The following CD96 variants were observed in gnomAD, a reference collection of about 807,000 sequenced individuals.
CD96 encodes T-cell surface protein tactile.
Under a neutral mutation model 71.3 loss-of-function variants are expected in CD96, and 70 were observed. The ratio of observed to expected loss-of-function variants is 0.98; its 90% confidence interval spans 0.81 to 1.20. The LOEUF (loss-of-function observed/expected upper bound fraction) is 1.20. CD96 is among the 50% of genes most tolerant of loss of function. The pLI is 0.00. For synonymous variants in CD96, 248 were observed against 233.0 expected (o/e 1.06, Z -0.59); for missense variants, 742 against 677.5 (o/e 1.10, Z -1.06).
intron 8 of CD96, among the ~76,000 whole-genome samples, chr3:111,610,170 G>A (rs1448587721): frequency 3.3e-5 from 5 of 152,220 alleles, no homozygotes; most frequent in Admixed American, 1.3e-4. Flanking sequence ...GTTTGATTTT[G>A]TATGTCAATA....
At chr3:111,663,664 T>C (rs1940408321) in intron 14 of CD96, among the ~76,000 whole-genome samples, 1 of 151,866 alleles carries the variant, frequency 6.6e-6, no homozygotes, top group African/African-American at 2.4e-5. Context: ...CACAATGAGA[T>C]ACCATCTCCC....
chr3:111,662,822 A>T (rs1236823434), intron 14 of CD96, among the ~76,000 whole-genome samples: 1 of 152,148 alleles, frequency 6.6e-6, no homozygotes, highest in African/African-American at 2.4e-5. Context: ...ACTTTCCCTC[A>T]TCTTCCTGCC....
intron 8 of CD96, among the ~76,000 whole-genome samples, chr3:111,615,608 G>A (rs747184982): frequency 3.3e-5 from 5 of 152,106 alleles, no homozygotes; most frequent in South Asian, 2.1e-4. Flanking sequence ...GTGTGTCTGC[G>A]TGCATGTGTG....
intron 5 of CD96, among the ~76,000 whole-genome samples, chr3:111,590,826 C>T (rs1480344429): frequency 6.6e-6 from 1 of 152,202 alleles, no homozygotes; most frequent in Non-Finnish European, 1.5e-5. Context: ...TGCATAAAAG[C>T]TCCAGAGTGT....
chr3:111,607,089 T>TGTTTAC, intron 8 of CD96: 1 of 410,868 alleles, frequency 2.4e-6, no homozygotes, highest in Admixed American at 4.0e-5. Context: ...TATTAAAGTA[T>TGTTTAC]CATTCTCATG....
chr3:111,599,618 G>A (rs1429710424), intron 6 of CD96, among the ~76,000 whole-genome samples: 1 of 152,196 alleles, frequency 6.6e-6, no homozygotes, highest in East Asian at 1.9e-4. Flanking sequence ...CTACTTGGGA[G>A]GCTGAGGCAG....
chr3:111,652,865 C>A (rs1051932365), downstream of CD96, among the ~76,000 whole-genome samples: 6 of 151,874 alleles, frequency 4.0e-5, no homozygotes, highest in African/African-American at 9.7e-5. Context: ...ACCAGCAACT[C>A]CTGTCTCTGT....
chr3:111,596,151 G>A (rs1462880188), intron 5 of CD96, among the ~76,000 whole-genome samples: 2 of 140,056 alleles, frequency 1.4e-5, no homozygotes, highest in East Asian at 4.1e-4. Context: ...GACAGAGGGA[G>A]ACTCTGTCTC....
intron 3 of CD96, among the ~76,000 whole-genome samples, chr3:111,569,515 AC>A (rs1164213183): frequency 6.6e-6 from 1 of 152,234 alleles, no homozygotes; most frequent in African/African-American, 2.4e-5. Flanking sequence ...ACAGAAATGT[AC>A]TATACTAAAC....
chr3:111,556,092 C>A (rs1935007866), intron 2 of CD96, among the ~76,000 whole-genome samples: 1 of 152,298 alleles, frequency 6.6e-6, no homozygotes, highest in African/African-American at 2.4e-5. Flanking sequence ...CATTTCAACT[C>A]TAAAATATAC....
At chr3:111,627,491 A>G (rs1279565948) in intron 10 of CD96, among the ~76,000 whole-genome samples, 1 of 151,970 alleles carries the variant, frequency 6.6e-6, no homozygotes, top group Non-Finnish European at 1.5e-5. Context: ...TTCTATGGCC[A>G]ACAGAGTTCT....
rs1938881602 is a variant in CD96 at position 111,628,318 on chromosome 3, T to G, written c.1321+3914T>G. 2.0e-5 allele frequency among the ~76,000 whole-genome samples: 3 copies of G among 152,152 alleles called. No homozygotes were observed. The South Asian group carries it at 6.2e-4, about 32-fold the overall frequency. ...AGGAGTTGACAGCCTAAATAGCCAG[T>G]ACAGAGAGGAACATAACCAATCTGA... On this transcript the variant is annotated intron_variant, in intron 10 of 13. Coordinates refer to ENST00000352690, the MANE Select transcript of CD96 (RefSeq NM_005816.5).
chr3:111,548,861 T>C (rs550057325), intron 2 of CD96, among the ~76,000 whole-genome samples: 1 of 152,296 alleles, frequency 6.6e-6, no homozygotes, highest in South Asian at 2.1e-4. Context: ...CTTAAATTCC[T>C]GTATTTAGTC....
At chr3:111,624,540 ATTG>A (rs1285418894) in intron 10 of CD96, 136 bp downstream of exon 10, 5 of 678,818 alleles carry the variant, frequency 7.4e-6, no homozygotes, top group Non-Finnish European at 8.0e-6. Context: ...TGTTTAAAGT[ATTG>A]TTGTAGATTC....
rs1351354882 is a variant in CD96, at chr3:111,545,114, A to T, written c.130A>T (p.Thr44Ser). 1 of 1,614,218 alleles carries T rather than the reference A, an allele frequency of 6.2e-7. No homozygotes were observed. Among genetic ancestry groups the T allele is most frequent in the Non-Finnish European group, 8.5e-7 (1 of 1,180,046 alleles). The change falls in exon 2 of 14, where the codon ACC becomes TCC. Residue 44 changes from threonine (T) to serine (S), a missense_variant. Coordinates refer to ENST00000352690, the MANE Select transcript of CD96 (RefSeq NM_005816.5). ...TACACTTGGCTCTGATGTCAACCTG[A>T]CCTGCCAAACACAGACAGTAGGCTT... ...YATLGSDVNL[T>S]CQTQTVGFFV...
chr3:111,644,658 A>G (rs1939743168), intron 12 of CD96, among the ~76,000 whole-genome samples: 1 of 152,184 alleles, frequency 6.6e-6, no homozygotes, highest in Non-Finnish European at 1.5e-5. Context: ...ACTAACTCAA[A>G]CAAATTAGTA....
At chr3:111,646,962 G>A (rs1939856397) in intron 12 of CD96, among the ~76,000 whole-genome samples, 3 of 151,654 alleles carry the variant, frequency 2.0e-5, no homozygotes, top group Admixed American at 2.0e-4. Context: ...AACTCACACA[G>A]GAATAGAAAA....
intron 5 of CD96, chr3:111,593,586 T>C: frequency 6.5e-7 from 1 of 1,545,536 alleles, no homozygotes; most frequent in Admixed American, 2.0e-5. Flanking sequence ...GGCAGCTCTT[T>C]CTCCCGCTGG....
intron 2 of CD96, among the ~76,000 whole-genome samples, chr3:111,556,548 G>A (rs1935057009): frequency 7.6e-6 from 1 of 132,346 alleles, no homozygotes; most frequent in South Asian, 2.6e-4. Context: ...CATTTTTTAT[G>A]GCTGCATAGT....
Sources: allele counts gnomAD v4.1 joint callset (sites outside exome capture counted in the v4.1 genomes callset), GRCh38; gene constraint gnomAD v4.1.1; transcripts MANE v1.5; gene names NCBI Gene and HGNC (gene_info 2026-07-23, HGNC 2026-07-21).